Variants in ZNRF1 observed in about 807,000 individuals in gnomAD.
ZNRF1 encodes zinc and ring finger 1.
ZNRF1 carries 3 observed loss-of-function variants against 18.4 expected under a neutral mutation model. The ratio of observed to expected loss-of-function variants is 0.16; its 90% CI spans 0.07 to 0.42. The LOEUF is 0.42. Among genes scored for constraint, ZNRF1 ranks in the 10% least tolerant of loss-of-function variants. The pLI is 0.99. For synonymous variants in ZNRF1, 157 were observed against 144.2 expected (o/e 1.09, Z -0.64); for missense variants, 310 against 329.8 (o/e 0.94, Z 0.47).
intron 1 of ZNRF1, among the ~76,000 whole-genome samples, chr16:75,009,693 A>G (rs2145321327): frequency 6.6e-6 from 1 of 152,162 alleles, no homozygotes; most frequent in South Asian, 2.1e-4. Context: ...TCTATTTTTA[A>G]TTTTTTGAGG....
At chr16:75,017,294 C>A (rs538359346) in intron 1 of ZNRF1, among the ~76,000 whole-genome samples, 1 of 152,062 alleles carries the variant, frequency 6.6e-6, no homozygotes, top group Non-Finnish European at 1.5e-5. Context: ...TATCAATAAG[C>A]CATTTTTGTA....
chr16:75,014,247 T>G (rs1470571406), intron 1 of ZNRF1, among the ~76,000 whole-genome samples: 1 of 152,206 alleles, frequency 6.6e-6, no homozygotes, highest in Non-Finnish European at 1.5e-5. Context: ...GTACCCTGGC[T>G]TATTCCCATT....
At chr16:75,006,747 T>C (rs1567463245) in intron 1 of ZNRF1, among the ~76,000 whole-genome samples, 1 of 152,168 alleles carries the variant, frequency 6.6e-6, no homozygotes, top group Non-Finnish European at 1.5e-5. Context: ...CCTCAGTCTT[T>C]TAGGATGATG....
intron 2 of ZNRF1, 25 bp downstream of exon 2, chr16:75,093,692 G>A: frequency 6.3e-7 from 1 of 1,591,560 alleles, no homozygotes; most frequent in Non-Finnish European, 8.6e-7. Context: ...TGCCTCACCA[G>A]CCTCCAGAGC....
chr16:75,006,840 G>A (rs911724186), intron 1 of ZNRF1, among the ~76,000 whole-genome samples: 2 of 152,140 alleles, frequency 1.3e-5, no homozygotes, highest in African/African-American at 4.8e-5. Flanking sequence ...TAATTACCAT[G>A]GGTTCAGTCT....
chr16:75,056,659 T>C (rs1427744822), intron 1 of ZNRF1, among the ~76,000 whole-genome samples: 1 of 152,042 alleles, frequency 6.6e-6, no homozygotes, highest in East Asian at 1.9e-4. Flanking sequence ...ACAGTTTTCC[T>C]CTTGTCACCC....
At chr16:75,071,998 G>A (rs2035876595) in intron 1 of ZNRF1, among the ~76,000 whole-genome samples, 1 of 152,036 alleles carries the variant, frequency 6.6e-6, no homozygotes, top group African/African-American at 2.4e-5. Flanking sequence ...GAGTGCAGTG[G>A]CATGATCATG....
rs370375456 is a variant in ZNRF1 at position 75,004,098 on chromosome 16, C to A, written c.424+4003C>A. ...AGCTTGGCTTCCCAAAGTGCTGGGA[C>A]CACAGGCATGAGCCACCGTGCCAGG... On this transcript the variant is annotated intron_variant, in intron 1 of 4. Coordinates refer to ENST00000335325, the MANE Select transcript of ZNRF1 (RefSeq NM_032268.5). 9.2e-5 allele frequency among the ~76,000 whole-genome samples: 14 copies of A among 152,066 alleles called. 2 individuals carry two copies. Among genetic ancestry groups the A allele is most frequent in the East Asian group, 7.8e-4 (4 of 5,146 alleles).
At chr16:75,106,652 C>A in intron 4 of ZNRF1, 81 bp downstream of exon 4, 2 of 1,147,844 alleles carry the variant, frequency 1.7e-6, no homozygotes, top group Non-Finnish European at 2.6e-6. Flanking sequence ...GGGAGCCGGG[C>A]TGCCCTTATG....
chr16:75,001,050 G>T (rs918600913), intron 1 of ZNRF1, among the ~76,000 whole-genome samples: 1 of 152,172 alleles, frequency 6.6e-6, no homozygotes, highest in Non-Finnish European at 1.5e-5. Flanking sequence ...GCTAGGTCAG[G>T]CATCTAGAAA....
chr16:75,031,611 A>T (rs1412477880), intron 1 of ZNRF1, among the ~76,000 whole-genome samples: 2 of 152,016 alleles, frequency 1.3e-5, no homozygotes, highest in East Asian at 3.9e-4. Flanking sequence ...AGCTCGAGTG[A>T]TCCTCCCACC....
intron 1 of ZNRF1, among the ~76,000 whole-genome samples, chr16:75,002,719 C>T (rs531068067): frequency 6.6e-6 from 1 of 152,208 alleles, no homozygotes; most frequent in South Asian, 2.1e-4. Flanking sequence ...GTCACCCTCA[C>T]GAGCTCCAGC....
chr16:75,057,504 G>GGT (rs1821126393), intron 1 of ZNRF1, among the ~76,000 whole-genome samples: 1 of 152,152 alleles, frequency 6.6e-6, no homozygotes, highest in African/African-American at 2.4e-5. Flanking sequence ...TGGTCTTACA[G>GGT]GTGCTATCTT....
intron 1 of ZNRF1, among the ~76,000 whole-genome samples, chr16:75,037,034 T>C (rs1178130089): frequency 6.6e-6 from 1 of 152,184 alleles, no homozygotes. Context: ...CTTATTTTTT[T>C]CCTCACAACA....
At position 75,038,201 on chromosome 16, in the gene ZNRF1, C is replaced by T. The variant is rs756345565; in HGVS notation, c.424+38106C>T. Among the ~76,000 whole-genome samples, 3 of 152,182 alleles carry T rather than the reference C, an allele frequency of 2.0e-5. No individual in the cohort carries two copies. In the East Asian group the frequency reaches 5.8e-4, roughly 29 times the overall value. On this transcript the variant is annotated intron_variant, in intron 1 of 4. Coordinates refer to ENST00000335325, the MANE Select transcript of ZNRF1 (RefSeq NM_032268.5). ...CTATGACTTGGGAATTCAGGCAGGG[C>T]TCAGCTGGATGGTTCTTCTCTATGT... is the stretch of plus-strand genomic sequence containing the variant.
At chr16:75,042,791 A>G (rs896476990) in intron 1 of ZNRF1, among the ~76,000 whole-genome samples, 4 of 151,900 alleles carry the variant, frequency 2.6e-5, no homozygotes, top group Non-Finnish European at 5.9e-5. Flanking sequence ...GAATCCTGAT[A>G]TTTTTTCATT....
intron 1 of ZNRF1, among the ~76,000 whole-genome samples, chr16:75,076,568 G>C (rs1393609508): frequency 1.3e-5 from 2 of 150,600 alleles, no homozygotes. Flanking sequence ...TGACTGACTT[G>C]ATTGCTTATC....
chr16:75,001,407 C>A (rs1319694191), intron 1 of ZNRF1, among the ~76,000 whole-genome samples: 1 of 127,660 alleles, frequency 7.8e-6, no homozygotes, highest in Non-Finnish European at 1.8e-5. Flanking sequence ...TTAGAAGTAG[C>A]TTGTGAATTG....
chr16:75,024,327 C>G (rs1380454700), intron 1 of ZNRF1, among the ~76,000 whole-genome samples: 2 of 152,178 alleles, frequency 1.3e-5, no homozygotes, highest in African/African-American at 4.8e-5. Flanking sequence ...TTGCAGAGTA[C>G]TTACTATGAG....
Sources: gnomAD v4.1 joint callset for allele counts (sites outside exome capture counted in the v4.1 genomes callset) on GRCh38, gnomAD v4.1.1 for gene constraint, MANE v1.5 for transcripts, NCBI Gene and HGNC (gene_info 2026-07-23, HGNC 2026-07-21) for gene names.